The following GRID2 variants were observed in gnomAD, a reference collection of about 807,000 sequenced individuals.
The protein encoded by GRID2 is glutamate receptor ionotropic, delta-2.
A neutral mutation model predicts 114.8 loss-of-function variants in GRID2; 33 were observed. The observed-to-expected ratio is 0.29, with a 90% CI of 0.22 to 0.38. The LOEUF (loss-of-function observed/expected upper bound fraction) is 0.38, where lower values mean the gene tolerates loss of function less well. GRID2 is among the 10% of genes least tolerant of loss of function. The probability of loss-of-function intolerance (pLI) is 1.00; values close to 1 mark genes in which losing one functional copy is unlikely to be tolerated. For synonymous variants in GRID2, 505 were observed against 449.9 expected (o/e 1.12, Z -1.55); for missense variants, 1,184 against 1,257.7 (o/e 0.94, Z 0.89).
rs190310587 is a variant in GRID2, at chr4:92,540,477, G to A, written c.89-49654G>A. 7.7e-3 allele frequency among the ~76,000 whole-genome samples: 1,176 copies of A among 152,210 alleles called. 11 individuals carry two copies. The highest frequency in any genetic ancestry group is 0.027 in the African/African-American group (1,119 of 41,516). ...AAAAAACAACCCCATCAAAAAGTGG[G>A]CAAAGGATATGAACAGACACTTCTC... On this transcript the variant is annotated intron_variant, in intron 1 of 15. Transcript: ENST00000282020.
chr4:92,905,275 C>G (rs1747859640), intron 2 of GRID2, among the ~76,000 whole-genome samples: 1 of 150,538 alleles, frequency 6.6e-6, no homozygotes, highest in Non-Finnish European at 1.5e-5. Flanking sequence ...AATTTTATAT[C>G]CCATTGAATA....
chr4:92,536,183 T>C (rs1267410290), intron 1 of GRID2, among the ~76,000 whole-genome samples: 1 of 152,184 alleles, frequency 6.6e-6, no homozygotes, highest in Admixed American at 6.5e-5. Context: ...TGGTCCATTT[T>C]ACAGAGTGCT....
intron 14 of GRID2, among the ~76,000 whole-genome samples, chr4:93,738,336 T>A (rs913178432): frequency 6.6e-6 from 1 of 152,116 alleles, no homozygotes; most frequent in Non-Finnish European, 1.5e-5. Flanking sequence ...AGTGACATGA[T>A]CCGATTTAGT....
intron 11 of GRID2, among the ~76,000 whole-genome samples, chr4:93,471,368 G>A (rs77049933): frequency 1.9e-4 from 29 of 152,088 alleles, no homozygotes; most frequent in African/African-American, 6.3e-4. Context: ...ATTGTATTCC[G>A]TAACTCCCCT....
intron 14 of GRID2, among the ~76,000 whole-genome samples, chr4:93,708,161 G>C (rs956364532): frequency 1.3e-5 from 2 of 151,868 alleles, no homozygotes; most frequent in African/African-American, 2.4e-5. Context: ...ATATTCTTTA[G>C]CCATTGGATG....
intron 2 of GRID2, among the ~76,000 whole-genome samples, chr4:92,763,514 A>G (rs1170851204): frequency 6.6e-6 from 1 of 152,078 alleles, no homozygotes. Flanking sequence ...CAACTATTAC[A>G]CAACATTAGG....
At chr4:93,159,559 A>G (rs908260442) in intron 4 of GRID2, among the ~76,000 whole-genome samples, 5 of 151,816 alleles carry the variant, frequency 3.3e-5, no homozygotes, top group Non-Finnish European at 7.4e-5. Flanking sequence ...ATAAGCTGAT[A>G]TAGTAAAAGA....
chr4:93,273,778 A>G, intron 8 of GRID2, among the ~76,000 whole-genome samples: 1 of 152,170 alleles, frequency 6.6e-6, no homozygotes, highest in East Asian at 1.9e-4. Flanking sequence ...ACAAGGTGGC[A>G]ATACCTCTCA....
intron 2 of GRID2, among the ~76,000 whole-genome samples, chr4:92,592,204 A>C (rs1306224663): frequency 6.6e-6 from 1 of 152,074 alleles, no homozygotes; most frequent in Non-Finnish European, 1.5e-5. Flanking sequence ...TAAGGACCAG[A>C]ATGTGAGCAG....
At chr4:93,495,403 T>A (rs1046281575) in intron 12 of GRID2, among the ~76,000 whole-genome samples, 20 of 151,798 alleles carry the variant, frequency 1.3e-4, no homozygotes, top group Admixed American at 9.2e-4. Context: ...GTGAGTATGA[T>A]CTAATTATGC....
chr4:92,797,266 C>A (rs796506281), intron 2 of GRID2, among the ~76,000 whole-genome samples: 8 of 152,066 alleles, frequency 5.3e-5, no homozygotes, highest in African/African-American at 1.9e-4. Flanking sequence ...ATCACTTTTA[C>A]TATCATGCAT....
At chr4:92,901,471 G>A (rs1232609097) in intron 2 of GRID2, among the ~76,000 whole-genome samples, 1 of 152,086 alleles carries the variant, frequency 6.6e-6, no homozygotes, top group African/African-American at 2.4e-5. Context: ...AACTTTTGCT[G>A]TGCAGAGGCT....
intron 2 of GRID2, among the ~76,000 whole-genome samples, chr4:93,063,833 G>A (rs1258619321): frequency 6.6e-6 from 1 of 151,476 alleles, no homozygotes; most frequent in Non-Finnish European, 1.5e-5. Flanking sequence ...ATATATCCAG[G>A]CTGAATTTCC....
At chr4:92,855,644 AG>A (rs1447066578) in intron 2 of GRID2, among the ~76,000 whole-genome samples, 1 of 152,010 alleles carries the variant, frequency 6.6e-6, no homozygotes, top group African/African-American at 2.4e-5. Flanking sequence ...TATAGGTCAA[AG>A]GAAAGTGATA....
intron 13 of GRID2, among the ~76,000 whole-genome samples, chr4:93,625,330 T>C (rs1219976381): frequency 6.6e-6 from 1 of 152,218 alleles, no homozygotes; most frequent in Non-Finnish European, 1.5e-5. Context: ...CATGGCTTCC[T>C]TTCATGCATT....
Position 93,313,351 on chromosome 4 carries a change from AC to A in GRID2, c.1245+74862del, listed in dbSNP as rs1279545454. ...TTCTGCAGAGGAATGACTTGAAGTA[AC>A]AATCACCATTCCCTCTTCACAGCAG... On this transcript the variant is annotated intron_variant, in intron 8 of 15. Transcript: ENST00000282020. Among the ~76,000 whole-genome samples, 5 of 152,322 alleles carry A rather than the reference AC, an allele frequency of 3.3e-5. No individual in the cohort carries two copies. In the East Asian group the frequency reaches 5.8e-4, roughly 18 times the overall value.
At chr4:92,504,203 TTTTC>T (rs1163078422) in intron 1 of GRID2, among the ~76,000 whole-genome samples, 1 of 151,740 alleles carries the variant, frequency 6.6e-6, no homozygotes, top group Non-Finnish European at 1.5e-5. Flanking sequence ...GAGAAAAGGG[TTTTC>T]TTTGTGTATG....
intron 2 of GRID2, among the ~76,000 whole-genome samples, chr4:92,733,639 G>A (rs954951364): frequency 4.6e-5 from 7 of 152,034 alleles, no homozygotes. Context: ...AATCTGTTTG[G>A]CATCTGTTCC....
At chr4:93,611,034 T>A (rs1445842220) in intron 13 of GRID2, among the ~76,000 whole-genome samples, 1 of 129,166 alleles carries the variant, frequency 7.7e-6, no homozygotes, top group East Asian at 2.1e-4. Flanking sequence ...CTTCCTGGTT[T>A]AGTCTTGGGA....
Sources: gnomAD v4.1 joint callset for allele counts (sites outside exome capture counted in the v4.1 genomes callset) on GRCh38, gnomAD v4.1.1 for gene constraint, MANE v1.5 for transcripts, NCBI Gene and HGNC (gene_info 2026-07-23, HGNC 2026-07-21) for gene names.